The following SNX29 variants were observed in gnomAD, a reference collection of about 807,000 sequenced individuals.
SNX29 encodes sorting nexin 29.
Under a neutral mutation model 102.1 loss-of-function variants are expected in SNX29, and 78 were observed. That is an observed-to-expected ratio of 0.76 (90% confidence interval 0.64 to 0.92). The LOEUF is 0.92. Among genes scored for constraint, SNX29 ranks in the 40% least tolerant of loss-of-function variants. The pLI, the probability that SNX29 is intolerant of heterozygous loss-of-function variation, is 0.00. For missense variants in SNX29, 1,280 were observed against 1,061.7 expected (o/e 1.21, Z -2.86); for synonymous variants, 580 against 414.5 (o/e 1.40, Z -4.85).
chr16:12,117,308 T>C (rs1480919258), intron 11 of SNX29, among the ~76,000 whole-genome samples: 8 of 143,668 alleles, frequency 5.6e-5, no homozygotes, highest in East Asian at 4.3e-4. Flanking sequence ...GAAACAGGCG[T>C]GGTCAATACG....
chr16:12,390,881 A>T (rs1337464934), intron 16 of SNX29, among the ~76,000 whole-genome samples: 2 of 132,194 alleles, frequency 1.5e-5, no homozygotes, highest in Non-Finnish European at 1.6e-5. Flanking sequence ...TTCAGTCTTT[A>T]AAAAAAAAAA....
intron 14 of SNX29, among the ~76,000 whole-genome samples, chr16:12,269,964 G>A (rs1035135589): frequency 3.3e-5 from 5 of 151,936 alleles, no homozygotes; most frequent in Admixed American, 6.6e-5. Flanking sequence ...AGGTTCAAGC[G>A]ATTCTCCTGC....
intron 16 of SNX29, among the ~76,000 whole-genome samples, chr16:12,388,994 C>A (rs113680669): frequency 6.6e-6 from 1 of 152,132 alleles, no homozygotes; most frequent in East Asian, 1.9e-4. Context: ...TCAGACCTGC[C>A]GCTTAAACAT....
intron 8 of SNX29, among the ~76,000 whole-genome samples, chr16:12,058,685 G>A (rs2050629058): frequency 6.6e-6 from 1 of 151,264 alleles, no homozygotes; most frequent in Non-Finnish European, 1.5e-5. Flanking sequence ...GTAGAGACGG[G>A]GTTTCACCAT....
In SNX29 at chr16:12,226,599, A is replaced by G. The variant is rs1372236241; in HGVS notation, c.1678+26916A>G. Reference sequence around the variant, plus strand: ...CTTTTTTTTTTTTTTTTGGAGACAGAGTCTTGCTCTGTCACCCAGGCTAGA... The same window carrying G: ...CTTTTTTTTTTTTTTTTGGAGACAGGGTCTTGCTCTGTCACCCAGGCTAGA... On this transcript the variant is annotated intron_variant, in intron 14 of 20. Transcript: ENST00000566228. Among the ~76,000 whole-genome samples the G allele has an allele frequency of 9.6e-4, 139 of 145,346 alleles. 2 individuals carry two copies. Among genetic ancestry groups the G allele is most frequent in the Non-Finnish European group, 2.5e-4 (17 of 66,740 alleles).
chr16:12,123,353 G>C (rs1300033066), intron 11 of SNX29, among the ~76,000 whole-genome samples: 2 of 152,064 alleles, frequency 1.3e-5, no homozygotes, highest in African/African-American at 4.8e-5. Context: ...TTGTTAGCCA[G>C]AGTCCCCGTT....
chr16:12,534,696 C>G (rs1321838904), intron 20 of SNX29, among the ~76,000 whole-genome samples: 2 of 152,210 alleles, frequency 1.3e-5, no homozygotes, highest in East Asian at 1.9e-4. Context: ...TTCTGCTTTT[C>G]TTGGCGTTGC....
intron 15 of SNX29, among the ~76,000 whole-genome samples, chr16:12,353,395 C>T (rs1441160246): frequency 1.3e-5 from 2 of 151,018 alleles, no homozygotes; most frequent in East Asian, 3.8e-4. Context: ...TATCCTGCCC[C>T]AGATGTGCTG....
At chr16:12,038,463 T>A (rs961665647) in intron 4 of SNX29, among the ~76,000 whole-genome samples, 4 of 152,310 alleles carry the variant, frequency 2.6e-5, no homozygotes, top group African/African-American at 9.6e-5. Flanking sequence ...TTCAGGTGTT[T>A]GGAGAACCAG....
intron 14 of SNX29, among the ~76,000 whole-genome samples, chr16:12,266,474 C>A (rs748735479): frequency 3.9e-5 from 6 of 152,122 alleles, no homozygotes; most frequent in Non-Finnish European, 7.4e-5. Flanking sequence ...CGTGGTCTAC[C>A]AGTCATCTCA....
intron 14 of SNX29, among the ~76,000 whole-genome samples, chr16:12,259,329 C>T (rs142189034): frequency 0.011 from 1,636 of 152,284 alleles, 11 homozygotes; most frequent in Non-Finnish European, 0.016. Context: ...CGTTCTACCC[C>T]GTCTTTGAGA....
At chr16:12,457,126 T>C (rs959078573) in intron 18 of SNX29, among the ~76,000 whole-genome samples, 6 of 152,228 alleles carry the variant, frequency 3.9e-5, no homozygotes, top group Admixed American at 6.5e-5. Flanking sequence ...TCAAGTCACA[T>C]TGTGTGTTCA....
chr16:12,368,543 A>G (rs779021924), intron 16 of SNX29, among the ~76,000 whole-genome samples: 1 of 152,208 alleles, frequency 6.6e-6, no homozygotes, highest in Non-Finnish European at 1.5e-5. Flanking sequence ...CCTGCCTTTG[A>G]GAAGGTCAAA....
At chr16:12,470,726 T>A (rs1474832834) in intron 18 of SNX29, among the ~76,000 whole-genome samples, 3 of 152,248 alleles carry the variant, frequency 2.0e-5, no homozygotes, top group African/African-American at 7.2e-5. Context: ...TGACAATTAA[T>A]TAGCCATGGT....
chr16:12,135,657 C>G, intron 13 of SNX29: 1 of 1,296,092 alleles, frequency 7.7e-7, no homozygotes, highest in Non-Finnish European at 1.0e-6. Flanking sequence ...CATTTGAGCT[C>G]CTGGATCCAG....
At chr16:12,146,602 C>G (rs577548842) in intron 13 of SNX29, among the ~76,000 whole-genome samples, 1 of 152,144 alleles carries the variant, frequency 6.6e-6, no homozygotes, top group Non-Finnish European at 1.5e-5. Context: ...AAGTTCTTGG[C>G]GGCAGGCTGA....
chr16:12,150,397 G>A (rs1274554028), intron 13 of SNX29, among the ~76,000 whole-genome samples: 1 of 152,222 alleles, frequency 6.6e-6, no homozygotes, highest in African/African-American at 2.4e-5. Context: ...GCTACCAGGG[G>A]TTAAGGATGG....
At chr16:12,106,788 T>G (rs2053269841) in intron 11 of SNX29, among the ~76,000 whole-genome samples, 1 of 151,400 alleles carries the variant, frequency 6.6e-6, no homozygotes, top group African/African-American at 2.4e-5. Flanking sequence ...GCCCCTTTTA[T>G]TTAAGGGTAT....
At chr16:12,196,748 G>C (rs796674089) in intron 13 of SNX29, among the ~76,000 whole-genome samples, 5 of 151,106 alleles carry the variant, frequency 3.3e-5, no homozygotes, top group African/African-American at 1.2e-4. Context: ...AGCCTCTTTA[G>C]TAGCTGGGAT....
Sources: allele counts gnomAD v4.1 joint callset (sites outside exome capture counted in the v4.1 genomes callset), GRCh38; gene constraint gnomAD v4.1.1; transcripts MANE v1.5; gene names NCBI Gene and HGNC (gene_info 2026-07-23, HGNC 2026-07-21).